DIAPH2: variants seen among roughly 807,000 people sequenced by gnomAD.
DIAPH2 encodes the protein diaphanous related formin 2, also known as protein diaphanous homolog 2.
Under a neutral mutation model 92.7 loss-of-function variants are expected in DIAPH2, and 35 were observed. The ratio of observed to expected loss-of-function variants is 0.38; its 90% CI spans 0.29 to 0.50. The LOEUF is 0.50. DIAPH2 is among the 20% of genes least tolerant of loss of function. The pLI is 0.94. For synonymous variants in DIAPH2, 301 were observed against 280.4 expected (o/e 1.07, Z -0.73); for missense variants, 701 against 819.5 (o/e 0.86, Z 1.77).
At chrX:97,332,652 T>C (rs148124202) in intron 23 of DIAPH2, among the ~76,000 whole-genome samples, 1,209 of 111,550 alleles carry the variant, frequency 0.011, 8 homozygotes, top group Middle Eastern at 0.019. Context: ...GTCCAAAGAA[T>C]TCAGAAAATT....
Position 96,870,437 on chromosome X carries a change from ATTT to A in DIAPH2, c.448-11125_448-11123del, listed in dbSNP as rs10600564. 5.4e-3 allele frequency among the ~76,000 whole-genome samples: 433 copies of A among 79,656 alleles called. 2 individuals are homozygous for A. Among genetic ancestry groups the A allele is most frequent in the Middle Eastern group, 0.012 (2 of 171 alleles). The allele number at this position is 79,656 out of a possible 115,157, so 69.2% of individuals were successfully genotyped here. A position where few individuals can be genotyped will look rare whatever the true frequency, so the allele number is the denominator to read the frequency against. On this transcript the variant is annotated intron_variant, in intron 4 of 26. Transcript: ENST00000324765. ...TCACCATGCCCAGCTAATTTTTTGT[ATTT>A]TTTTTTTTTTTTTTTTAAGTAGAGA...
chrX:96,722,569 T>G (rs1251823978), intron 1 of DIAPH2, among the ~76,000 whole-genome samples: 1 of 111,523 alleles, frequency 9.0e-6, no homozygotes, highest in Non-Finnish European at 1.9e-5. Context: ...TATGTAGCAA[T>G]TTGAGGTGGG....
intron 17 of DIAPH2, among the ~76,000 whole-genome samples, chrX:97,010,870 C>T (rs769492539): frequency 2.7e-5 from 3 of 111,533 alleles, no homozygotes; most frequent in Non-Finnish European, 5.7e-5. Context: ...TTTTATTTCC[C>T]GTTTCCAGGC....
chrX:97,195,588 G>T (rs931659440), intron 22 of DIAPH2, among the ~76,000 whole-genome samples: 1 of 108,036 alleles, frequency 9.3e-6, no homozygotes, highest in Non-Finnish European at 1.9e-5. Flanking sequence ...TTGAACCTGG[G>T]GGGTGGAGGT....
At chrX:97,230,785 G>T (rs779003782) in intron 22 of DIAPH2, among the ~76,000 whole-genome samples, 1 of 112,065 alleles carries the variant, frequency 8.9e-6, no homozygotes, top group Non-Finnish European at 1.9e-5. Flanking sequence ...GACCTCAGGC[G>T]ATCCACCCGC....
chrX:96,759,026 T>A (rs1205374065), intron 4 of DIAPH2, among the ~76,000 whole-genome samples: 1 of 109,934 alleles, frequency 9.1e-6, no homozygotes, highest in Non-Finnish European at 1.9e-5. Context: ...AGAAAAAGCT[T>A]TTAATACCTA....
At chrX:97,090,815 G>A (rs2066819652) in intron 19 of DIAPH2, among the ~76,000 whole-genome samples, 2 of 111,096 alleles carry the variant, frequency 1.8e-5, no homozygotes, top group Admixed American at 1.9e-4. Flanking sequence ...TAATATTTAG[G>A]CTGTGTGTGT....
intron 26 of DIAPH2, among the ~76,000 whole-genome samples, chrX:97,554,135 A>G (rs1186868170): frequency 8.9e-6 from 1 of 111,854 alleles, no homozygotes; most frequent in Non-Finnish European, 1.9e-5. Flanking sequence ...TTCTGCTGTC[A>G]TGATGGCTAG....
intron 20 of DIAPH2, among the ~76,000 whole-genome samples, chrX:97,100,977 A>G (rs1020092936): frequency 1.2e-4 from 13 of 112,145 alleles, no homozygotes; most frequent in Admixed American, 2.8e-4. Context: ...TTGGGATCAG[A>G]TAGAGCATAT....
At chrX:97,404,403 C>G (rs2069788713) in intron 25 of DIAPH2, among the ~76,000 whole-genome samples, 1 of 111,808 alleles carries the variant, frequency 8.9e-6, no homozygotes, top group Non-Finnish European at 1.9e-5. Flanking sequence ...TGAAAACTTT[C>G]TCATCACATT....
intron 23 of DIAPH2, among the ~76,000 whole-genome samples, chrX:97,318,100 C>T (rs945386595): frequency 8.4e-4 from 94 of 111,802 alleles, no homozygotes; most frequent in Non-Finnish European, 1.4e-3. Context: ...CCTTCCCTTC[C>T]TCTTCCCCTC....
chrX:97,411,301 C>G (rs1342120490), intron 25 of DIAPH2, among the ~76,000 whole-genome samples: 1 of 111,811 alleles, frequency 8.9e-6, no homozygotes, highest in African/African-American at 3.3e-5. Flanking sequence ...TCCAGCCAAA[C>G]TAAGCTTCAT....
At chrX:96,692,924 A>C (rs1174847882) in intron 1 of DIAPH2, among the ~76,000 whole-genome samples, 2 of 112,187 alleles carry the variant, frequency 1.8e-5, no homozygotes, top group African/African-American at 6.5e-5. Context: ...CCTTTGATAT[A>C]GTCTAGGTTG....
At chrX:96,693,324 G>A (rs1039206572) in intron 1 of DIAPH2, among the ~76,000 whole-genome samples, 7 of 112,083 alleles carry the variant, frequency 6.2e-5, no homozygotes, top group Non-Finnish European at 1.3e-4. Flanking sequence ...ATAATTGTTG[G>A]AGCCAGAGAG....
intron 26 of DIAPH2, among the ~76,000 whole-genome samples, chrX:97,454,480 G>A (rs1394432781): frequency 9.0e-6 from 1 of 111,602 alleles, no homozygotes; most frequent in Admixed American, 9.5e-5. Context: ...CTATACCATG[G>A]TATATGAGTG....
At chrX:97,458,857 C>T (rs1184950702) in intron 26 of DIAPH2, among the ~76,000 whole-genome samples, 3 of 111,693 alleles carry the variant, frequency 2.7e-5, no homozygotes, top group African/African-American at 9.8e-5. Flanking sequence ...GTTGTTGTCT[C>T]TCTAGAATCC....
intron 17 of DIAPH2, among the ~76,000 whole-genome samples, chrX:96,976,023 C>CCCTT (rs1383608678): frequency 1.0e-5 from 1 of 98,360 alleles, no homozygotes; most frequent in Non-Finnish European, 2.1e-5. Flanking sequence ...CTCCCTCCCT[C>CCCTT]CCTTCCTTCC....
At position 96,884,751 on chromosome X, in the gene DIAPH2, C is replaced by G. The variant is rs769490765; in HGVS notation, c.587+3033C>G. 5.0e-6 allele frequency: 6 copies of G among 1,209,716 alleles called. No individual in the cohort carries two copies. In the South Asian group the frequency reaches 1.1e-4, roughly 21 times the overall value. Reference sequence around the variant, plus strand: ...GCCTTGAGGTATTGAAAATTCATGTCCTAGAGGACATGAACGAGTTCACCG... The same window carrying G: ...GCCTTGAGGTATTGAAAATTCATGTGCTAGAGGACATGAACGAGTTCACCG... On this transcript the variant is annotated intron_variant, in intron 5 of 26. Coordinates refer to ENST00000324765, the MANE Select transcript of DIAPH2 (RefSeq NM_006729.5).
intron 4 of DIAPH2, among the ~76,000 whole-genome samples, chrX:96,807,633 C>T (rs779681938): frequency 1.8e-4 from 20 of 110,128 alleles, no homozygotes; most frequent in Admixed American, 9.7e-4. Context: ...GCTGGGTCCC[C>T]TCAGTCTTAT....
Sources: allele counts gnomAD v4.1 joint callset (sites outside exome capture counted in the v4.1 genomes callset), GRCh38; gene constraint gnomAD v4.1.1; transcripts MANE v1.5; gene names NCBI Gene and HGNC (gene_info 2026-07-23, HGNC 2026-07-21).